Variants in XXYLT1 observed in about 807,000 individuals in gnomAD.
XXYLT1 encodes the protein UDP-xylose:alpha-xyloside alpha-1,3-xylosyltransferase.
A neutral mutation model predicts 28.9 loss-of-function variants in XXYLT1; 20 were observed. That is an observed-to-expected ratio of 0.69 (90% CI 0.49 to 1.00). The LOEUF is 1.00. Among genes scored for constraint, XXYLT1 ranks in the 50% least tolerant of loss-of-function variants. XXYLT1 has a pLI of 0.00. For synonymous variants in XXYLT1, 257 were observed against 253.8 expected (o/e 1.01, Z -0.12); for missense variants, 542 against 560.1 (o/e 0.97, Z 0.33).
At position 195,176,479 on chromosome 3, in the gene XXYLT1, T is replaced by A. The variant is rs975427947; in HGVS notation, c.653-19898A>T. 1.3e-5 allele frequency among the ~76,000 whole-genome samples: 2 copies of A among 152,182 alleles called. No individual in the cohort carries two copies. The highest frequency in any genetic ancestry group is 4.8e-5 in the African/African-American group (2 of 41,434). On this transcript the variant is annotated intron_variant, in intron 2 of 3. Coordinates refer to ENST00000310380, the MANE Select transcript of XXYLT1 (RefSeq NM_152531.5). The surrounding 1 kb of genome is among the most constrained non-coding windows in gnomAD (Gnocchi z 4.9). ...GGTATGAAATGAGATGAGAAGCAGATCTTGAATATTCTGTCTTCGGTTTCA... is the reference window on the plus strand; with the variant it reads ...GGTATGAAATGAGATGAGAAGCAGAACTTGAATATTCTGTCTTCGGTTTCA...
rs1358363146 is a variant in XXYLT1, at chr3:195,110,142, T to C, written c.786-40031A>G. ...GTGTGGTGTGTGTGTGTGTGGTGTG[T>C]GTGGTGTCTGTGTGTTGTGTGTGGT... On this transcript the variant is annotated intron_variant, in intron 3 of 3. Transcript: ENST00000310380. 3.7e-5 allele frequency among the ~76,000 whole-genome samples: 2 copies of C among 54,060 alleles called. 1 individual carries two copies. The highest frequency in any genetic ancestry group is 8.0e-5 in the Non-Finnish European group (2 of 25,108). 35.5% of individuals were successfully genotyped at this position (54,060 alleles called of 152,430 possible).
At chr3:195,127,772 A>ATGTGTGTG (rs3073344) in intron 3 of XXYLT1, among the ~76,000 whole-genome samples, 8 of 151,522 alleles carry the variant, frequency 5.3e-5, no homozygotes, top group East Asian at 2.0e-4. Flanking sequence ...GTGAGACAAA[A>ATGTGTGTG]TGTGTGTGTG....
chr3:195,165,281 G>T (rs1577098956), intron 2 of XXYLT1, among the ~76,000 whole-genome samples: 1 of 152,116 alleles, frequency 6.6e-6, no homozygotes, highest in African/African-American at 2.4e-5. Context: ...AGGCTACAGG[G>T]TTTCCTCAGC....
chr3:195,221,487 G>A (rs74435573), intron 2 of XXYLT1, among the ~76,000 whole-genome samples: 1 of 152,232 alleles, frequency 6.6e-6, no homozygotes, highest in East Asian at 1.9e-4. Flanking sequence ...CAGGACAGGA[G>A]AGCCTTCCAG....
In XXYLT1 at chr3:195,271,028, C is replaced by G; in HGVS notation, c.31G>C (p.Ala11Pro). 6.8e-7 allele frequency: 1 copy of G among 1,460,492 alleles called. No individual in the cohort carries two copies. Among genetic ancestry groups the G allele is most frequent in the Non-Finnish European group, 9.0e-7 (1 of 1,111,244 alleles). 90.5% of individuals were successfully genotyped at this position (1,460,492 alleles called of 1,614,324 possible). Residue 11 changes from alanine to proline, a missense_variant, in exon 1 of 4, where the codon GCT becomes CCT. Physicochemically the swap from Ala to Pro is conservative, Grantham distance 27. Transcript: ENST00000310380. Reference protein sequence around the residue: MGLLRGGLPCARAMARLGAVR... With the variant: MGLLRGGLPCPRAMARLGAVR... ...GCGCCCAGGCGCGCCATGGCCCGAG[C>G]GCATGGGAGCCCGCCTCGGAGGAGG...
chr3:195,098,098 C>T (rs993134063), intron 3 of XXYLT1, among the ~76,000 whole-genome samples: 2 of 152,064 alleles, frequency 1.3e-5, no homozygotes, highest in African/African-American at 4.8e-5. Flanking sequence ...AGAACAGGCA[C>T]GCTCACAGGC....
chr3:195,089,768 T>C (rs1163355956), intron 3 of XXYLT1, among the ~76,000 whole-genome samples: 1 of 150,684 alleles, frequency 6.6e-6, no homozygotes, highest in Admixed American at 6.6e-5. Flanking sequence ...CAGTGTGCTG[T>C]ATTCAGGAAA....
intron 2 of XXYLT1, among the ~76,000 whole-genome samples, chr3:195,171,510 T>C (rs1425530257): frequency 6.6e-6 from 1 of 152,248 alleles, no homozygotes; most frequent in Non-Finnish European, 1.5e-5. Flanking sequence ...CGAAAAACTT[T>C]GGCATTCCTA....
chr3:195,257,817 T>C lies in XXYLT1; in HGVS notation c.504+12738A>G, dbSNP rs1256088783. Among the ~76,000 whole-genome samples, 1 of 152,080 alleles carries C rather than the reference T, an allele frequency of 6.6e-6. No individual in the cohort carries two copies. The highest frequency in any genetic ancestry group is 2.1e-4 in the South Asian group (1 of 4,824). On this transcript the variant is annotated intron_variant, in intron 1 of 3. Transcript: ENST00000310380. This position sits in a 1 kb window ranked among gnomAD's most constrained non-coding sequence, Gnocchi z 4.3. Reference sequence around the variant, plus strand: ...GACAGAGCCAGTCTGTGGCTCCAGCTGCCTGAGTTCCCTCATCTCTAAGGT... The same window carrying C: ...GACAGAGCCAGTCTGTGGCTCCAGCCGCCTGAGTTCCCTCATCTCTAAGGT...
At chr3:195,152,203 G>T (rs760382506) in intron 3 of XXYLT1, 1 of 152,566 alleles carries the variant, frequency 6.6e-6, no homozygotes, top group Non-Finnish European at 1.5e-5. Flanking sequence ...ACTTTCATGA[G>T]GAAACAAATT....
chr3:195,154,703 G>T, intron 3 of XXYLT1, among the ~76,000 whole-genome samples: 1 of 152,332 alleles, frequency 6.6e-6, no homozygotes, highest in Middle Eastern at 3.4e-3. Context: ...AAGTCACACA[G>T]CACGTTTGAT....
intron 3 of XXYLT1, chr3:195,152,192 T>C (rs918818664): frequency 6.6e-6 from 1 of 152,654 alleles, no homozygotes; most frequent in Non-Finnish European, 1.5e-5. Context: ...ACTTTTCTAA[T>C]ACTTTCATGA....
intron 1 of XXYLT1, among the ~76,000 whole-genome samples, chr3:195,261,513 A>G (rs1403078428): frequency 6.6e-6 from 1 of 152,190 alleles, no homozygotes; most frequent in Non-Finnish European, 1.5e-5. Context: ...TGTTGCTACT[A>G]TTATTCTCCT....
At chr3:195,130,038 A>G (rs1718826680) in intron 3 of XXYLT1, among the ~76,000 whole-genome samples, 1 of 152,116 alleles carries the variant, frequency 6.6e-6, no homozygotes, top group African/African-American at 2.4e-5. Context: ...GTCTCACTGT[A>G]GCTTTGCTTT....
At chr3:195,219,364 C>T (rs1004736907) in intron 2 of XXYLT1, among the ~76,000 whole-genome samples, 5 of 152,154 alleles carry the variant, frequency 3.3e-5, no homozygotes, top group Non-Finnish European at 7.3e-5. Flanking sequence ...TAAATGAAAA[C>T]TCAATATGGC....
chr3:195,239,383 A>G (rs1451965728), intron 1 of XXYLT1, among the ~76,000 whole-genome samples: 1 of 152,132 alleles, frequency 6.6e-6, no homozygotes, highest in Non-Finnish European at 1.5e-5. Context: ...GGGATGGGGG[A>G]GAGAAAAGGC....
intron 3 of XXYLT1, among the ~76,000 whole-genome samples, chr3:195,080,233 T>C (rs1283495286): frequency 6.6e-6 from 1 of 152,000 alleles, no homozygotes; most frequent in Non-Finnish European, 1.5e-5. Context: ...TGACAAAGAC[T>C]AGGAAGGAAG....
intron 2 of XXYLT1, among the ~76,000 whole-genome samples, chr3:195,224,342 C>A (rs867337373): frequency 6.6e-6 from 1 of 152,310 alleles, no homozygotes; most frequent in East Asian, 1.9e-4. Context: ...TTTACTGCAT[C>A]GACTGCAAAG....
chr3:195,127,135 C>T (rs1718678781), intron 3 of XXYLT1, among the ~76,000 whole-genome samples: 1 of 152,180 alleles, frequency 6.6e-6, no homozygotes, highest in African/African-American at 2.4e-5. Context: ...AGAGTCTTCG[C>T]TTTGGGAAAA....
Sources: gnomAD v4.1 joint callset for allele counts (sites outside exome capture counted in the v4.1 genomes callset) on GRCh38, gnomAD v4.1.1 for gene constraint, Gnocchi (gnomAD v3.1) non-coding constraint, MANE v1.5 for transcripts, NCBI Gene and HGNC (gene_info 2026-07-23, HGNC 2026-07-21) for gene names.